SERP2: variants seen among roughly 807,000 people sequenced by gnomAD.
SERP2 encodes the protein stress associated endoplasmic reticulum protein family member 2, also known as stress-associated endoplasmic reticulum protein 2.
SERP2 carries 6 observed loss-of-function variants against 9.1 expected under a neutral mutation model. That is an observed-to-expected ratio of 0.66 (90% CI 0.36 to 1.30). SERP2 has a LOEUF of 1.30. SERP2 is among the 50% of genes most tolerant of loss of function. SERP2 has a pLI of 0.03. For missense variants in SERP2, 58 were observed against 81.9 expected, an observed-to-expected ratio of 0.71 and a Z score of 1.13; for synonymous variants, 37 against 27.3, an observed-to-expected ratio of 1.35 and a Z score of -1.10.
chr13:44,374,177 C>CGGGGGGGGGGGGGGGGGG, intron 1 of SERP2, 68 bp downstream of exon 1: 1 of 151,764 alleles, frequency 6.6e-6, no homozygotes. Flanking sequence ...AAGGTGGGGG[C>CGGGGGGGGGGGGGGGGGG]GGGGCCGGGC....
At chr13:44,391,884 A>T (rs1872790549) in intron 2 of SERP2, among the ~76,000 whole-genome samples, 1 of 152,064 alleles carries the variant, frequency 6.6e-6, no homozygotes, top group Admixed American at 6.6e-5. Flanking sequence ...GGTGGGGTAG[A>T]AGTATTTCAG....
intron 2 of SERP2, among the ~76,000 whole-genome samples, chr13:44,395,010 G>C (rs1170913845): frequency 6.6e-6 from 1 of 152,234 alleles, no homozygotes; most frequent in Non-Finnish European, 1.5e-5. Flanking sequence ...TTTCAGCAAA[G>C]AGCTGATATT....
chr13:44,374,692 G>A (rs1362896011), intron 1 of SERP2, among the ~76,000 whole-genome samples: 2 of 152,124 alleles, frequency 1.3e-5, no homozygotes, highest in African/African-American at 4.8e-5. Context: ...CCTTTGTGAC[G>A]GTTTCACTGG....
chr13:44,389,853 G>C (rs1872531431), intron 2 of SERP2, among the ~76,000 whole-genome samples: 1 of 151,958 alleles, frequency 6.6e-6, no homozygotes, highest in Non-Finnish European at 1.5e-5. Flanking sequence ...ATTGAGGACT[G>C]ACTACTTGTA....
At chr13:44,387,818 C>T (rs1294594556) in intron 2 of SERP2, among the ~76,000 whole-genome samples, 1 of 152,172 alleles carries the variant, frequency 6.6e-6, no homozygotes, top group African/African-American at 2.4e-5. Flanking sequence ...CAGCCATGCC[C>T]CAGTTCCATC....
At chr13:44,385,298 G>A (rs1286751040) in intron 2 of SERP2, among the ~76,000 whole-genome samples, 5 of 152,162 alleles carry the variant, frequency 3.3e-5, no homozygotes, top group Non-Finnish European at 4.4e-5. Flanking sequence ...AGGAAGGAAT[G>A]AGGACTGGGA....
At chr13:44,389,610 T>C (rs978782884) in intron 2 of SERP2, among the ~76,000 whole-genome samples, 6 of 152,152 alleles carry the variant, frequency 3.9e-5, no homozygotes, top group African/African-American at 9.7e-5. Context: ...TGCTTTTTGA[T>C]GGTGAGAAAA....
At chr13:44,393,622 TCTG>T (rs954997086) in intron 2 of SERP2, among the ~76,000 whole-genome samples, 2 of 152,202 alleles carry the variant, frequency 1.3e-5, no homozygotes, top group African/African-American at 4.8e-5. Flanking sequence ...TGCAGCCTGT[TCTG>T]CTGTTTTCTC....
chr13:44,374,177 C>CG, intron 1 of SERP2, 68 bp downstream of exon 1: 2 of 151,762 alleles, frequency 1.3e-5, no homozygotes, highest in South Asian at 1.7e-4. Context: ...AAGGTGGGGG[C>CG]GGGGCCGGGC....
In SERP2 at chr13:44,397,514, G is replaced by T. The variant is rs1410534260; in HGVS notation, c.*202G>T. On this transcript the variant is annotated 3_prime_UTR_variant, in exon 3 of 3. Coordinates refer to ENST00000379179, the MANE Select transcript of SERP2 (RefSeq NM_001010897.3). ...TCTTGGTGCATCCGCGTTCTCAAGC[G>T]GAAAGGACATTTTGCTTTTCTGTTG... 1.7e-6 allele frequency: 1 copy of T among 590,672 alleles called. No individual in the cohort carries two copies. The allele number at this position is 590,672 out of a possible 1,614,324, so 36.6% of individuals were successfully genotyped here.
chr13:44,397,133 C>T, intron 2 of SERP2, 139 bp from the exon 3 acceptor site: 1 of 693,974 alleles, frequency 1.4e-6, no homozygotes. Context: ...GTTAACTTAA[C>T]TCCTTGTTAG....
intron 2 of SERP2, among the ~76,000 whole-genome samples, chr13:44,383,750 A>C (rs1872157998): frequency 1.4e-5 from 2 of 146,264 alleles, no homozygotes; most frequent in East Asian, 2.0e-4. Flanking sequence ...ACGGGGTTTC[A>C]CCATGTTGGC....
At chr13:44,392,765 G>A (rs1872854192) in intron 2 of SERP2, among the ~76,000 whole-genome samples, 1 of 152,122 alleles carries the variant, frequency 6.6e-6, no homozygotes, top group Admixed American at 6.5e-5. Flanking sequence ...GATAGTGGAA[G>A]GTGTGCTGGA....
intron 2 of SERP2, among the ~76,000 whole-genome samples, chr13:44,380,180 G>A (rs1871891905): frequency 2.0e-5 from 3 of 152,140 alleles, no homozygotes; most frequent in South Asian, 2.1e-4. Flanking sequence ...GATACTGTAA[G>A]GTGGCAAGTT....
chr13:44,376,533 C>T (rs1316935602), intron 1 of SERP2, among the ~76,000 whole-genome samples: 2 of 152,074 alleles, frequency 1.3e-5, no homozygotes, highest in African/African-American at 4.8e-5. Flanking sequence ...TCAGCACTTT[C>T]GGAGGCCAAG....
chr13:44,392,734 C>T (rs1872852427), intron 2 of SERP2, among the ~76,000 whole-genome samples: 1 of 152,032 alleles, frequency 6.6e-6, no homozygotes, highest in African/African-American at 2.4e-5. Flanking sequence ...CTCTGAGCCA[C>T]CCAGCTGTAG....
At chr13:44,395,724 A>T in intron 2 of SERP2, 1 of 443,266 alleles carries the variant, frequency 2.3e-6, no homozygotes, top group Non-Finnish European at 4.5e-6. Flanking sequence ...ATATCTACAG[A>T]TGAGTCCCTG....
chr13:44,381,032 C>T (rs566913850), intron 2 of SERP2, among the ~76,000 whole-genome samples: 2 of 152,132 alleles, frequency 1.3e-5, no homozygotes, highest in Non-Finnish European at 2.9e-5. Flanking sequence ...TCGACCTTGC[C>T]TCATAAGATG....
At chr13:44,397,217 G>A (rs1200108110) in intron 2 of SERP2, 55 bp from the exon 3 acceptor site, 2 of 1,523,232 alleles carry the variant, frequency 1.3e-6, no homozygotes, top group African/African-American at 1.4e-5. Context: ...CTGTGGGCTG[G>A]GTTTCCAGCT....
Sources: gnomAD v4.1 joint callset for allele counts (sites outside exome capture counted in the v4.1 genomes callset) on GRCh38, gnomAD v4.1.1 for gene constraint, MANE v1.5 for transcripts, NCBI Gene and HGNC (gene_info 2026-07-23, HGNC 2026-07-21) for gene names.